Variants in NKAIN3 observed in about 807,000 individuals in gnomAD.
NKAIN3 encodes sodium/potassium-transporting ATPase subunit beta-1-interacting protein 3.
NKAIN3 carries 25 observed loss-of-function variants against 30.2 expected under a neutral mutation model. The observed-to-expected ratio is 0.83, with a 90% CI of 0.60 to 1.16. The LOEUF (loss-of-function observed/expected upper bound fraction) is 1.16, where lower values mean the gene tolerates loss of function less well. Among genes scored for constraint, NKAIN3 ranks in the 50% most tolerant of loss-of-function variants. NKAIN3 has a pLI of 0.00. For missense variants in NKAIN3, 225 were observed against 254.1 expected (o/e 0.89, Z 0.78); for synonymous variants, 91 against 89.6 (o/e 1.02, Z -0.09).
chr8:62,489,099 C>A (rs902002610), intron 1 of NKAIN3, among the ~76,000 whole-genome samples: 68 of 152,250 alleles, frequency 4.5e-4, no homozygotes, highest in African/African-American at 1.6e-3. Flanking sequence ...TCACTGCAAG[C>A]CCTGCCTCCT....
intron 3 of NKAIN3, among the ~76,000 whole-genome samples, chr8:62,684,069 A>G (rs1813724536): frequency 6.6e-6 from 1 of 152,200 alleles, no homozygotes; most frequent in Non-Finnish European, 1.5e-5. Context: ...ACTGCAGCCA[A>G]CAATCTCATC....
intron 1 of NKAIN3, among the ~76,000 whole-genome samples, chr8:62,428,118 T>C (rs914030123): frequency 1.1e-4 from 16 of 152,010 alleles, no homozygotes; most frequent in African/African-American, 1.9e-4. Context: ...GGCTGGCTTA[T>C]TTCATTAAAA....
rs187546773 is a variant in NKAIN3, at chr8:62,981,975, T to C, written c.*16568T>C. On this transcript the variant is annotated 3_prime_UTR_variant, in exon 7 of 7. Transcript: ENST00000623646. ...CACATAACAGATTAGAAACAGAGAA[T>C]GAGAAAGGTATAGTAGATATTATGT... The C allele has an allele frequency of 6.6e-6, 1 of 152,240 alleles. No individual in the cohort carries two copies. The highest frequency in any genetic ancestry group is 1.5e-5 in the Non-Finnish European group (1 of 68,000). 9.4% of individuals were successfully genotyped at this position (152,240 alleles called of 1,614,324 possible).
intron 1 of NKAIN3, among the ~76,000 whole-genome samples, chr8:62,537,675 C>G (rs1477860893): frequency 6.6e-6 from 1 of 151,990 alleles, no homozygotes; most frequent in African/African-American, 2.4e-5. Flanking sequence ...CAACAACTCT[C>G]AATTAGCAAT....
chr8:62,384,694 A>T (rs2129594169), intron 1 of NKAIN3, among the ~76,000 whole-genome samples: 1 of 152,242 alleles, frequency 6.6e-6, no homozygotes, highest in African/African-American at 2.4e-5. Context: ...ACTTTTCTTG[A>T]TTCTAAGAAT....
chr8:62,263,204 A>G (rs920517913), intron 1 of NKAIN3, among the ~76,000 whole-genome samples: 6 of 152,174 alleles, frequency 3.9e-5, no homozygotes, highest in African/African-American at 1.2e-4. Flanking sequence ...TTTAGTTATC[A>G]TAAAATTTAA....
At chr8:62,919,166 G>A (rs551832498) in intron 5 of NKAIN3, among the ~76,000 whole-genome samples, 23 of 134,488 alleles carry the variant, frequency 1.7e-4, no homozygotes, top group Middle Eastern at 4.8e-3. Context: ...ACCTGCTGAT[G>A]TATAAGACAC....
chr8:62,795,680 A>C (rs968010182), intron 4 of NKAIN3, among the ~76,000 whole-genome samples: 1 of 152,216 alleles, frequency 6.6e-6, no homozygotes, highest in Non-Finnish European at 1.5e-5. Context: ...ATTAGATAAC[A>C]TAGGTAGTAT....
At chr8:62,927,486 AT>A (rs1244643688) in intron 5 of NKAIN3, among the ~76,000 whole-genome samples, 1 of 152,222 alleles carries the variant, frequency 6.6e-6, no homozygotes, top group Non-Finnish European at 1.5e-5. Flanking sequence ...AATATTTTGA[AT>A]GTTTCTACCG....
rs1382673970 is a variant in NKAIN3, at chr8:62,853,046, C to T, written c.472-65407C>T. On this transcript the variant is annotated intron_variant, in intron 4 of 6. Transcript: ENST00000623646. ...GTCTTGTTGACCTGTCTAATGTTGA[C>T]AGTGGGGTAACAAAGTCTCCCATTA... Among the ~76,000 whole-genome samples the T allele has an allele frequency of 5.3e-5, 8 of 152,240 alleles. No individual in the cohort carries two copies. The East Asian group carries it at 1.4e-3, about 26-fold the overall frequency.
At chr8:62,655,095 A>C (rs1251367685) in intron 3 of NKAIN3, among the ~76,000 whole-genome samples, 1 of 152,162 alleles carries the variant, frequency 6.6e-6, no homozygotes, top group African/African-American at 2.4e-5. Flanking sequence ...AGTCTGTATA[A>C]GGGGTAAACA....
intron 4 of NKAIN3, among the ~76,000 whole-genome samples, chr8:62,774,062 T>G (rs1817104569): frequency 6.6e-6 from 1 of 152,220 alleles, no homozygotes; most frequent in South Asian, 2.1e-4. Context: ...TTTCCATTTT[T>G]CTGTGTCTTA....
At chr8:62,810,120 C>G (rs1415866771) in intron 4 of NKAIN3, among the ~76,000 whole-genome samples, 3 of 152,128 alleles carry the variant, frequency 2.0e-5, no homozygotes, top group Non-Finnish European at 4.4e-5. Context: ...AGGAACTCAG[C>G]TGCTTGCTTG....
intron 1 of NKAIN3, among the ~76,000 whole-genome samples, chr8:62,272,259 C>T (rs1175207485): frequency 1.3e-5 from 2 of 152,156 alleles, no homozygotes; most frequent in Non-Finnish European, 2.9e-5. Flanking sequence ...TTCTACTCGC[C>T]TAGGACATTT....
chr8:62,670,758 A>G (rs1205410566), intron 3 of NKAIN3, among the ~76,000 whole-genome samples: 1 of 152,118 alleles, frequency 6.6e-6, no homozygotes, highest in Non-Finnish European at 1.5e-5. Context: ...AAAATAGGTA[A>G]GTAAAGCCTT....
chr8:62,618,321 G>A (rs936613), intron 3 of NKAIN3, among the ~76,000 whole-genome samples: 69,139 of 151,884 alleles, frequency 0.46, 17,918 homozygotes, highest in African/African-American at 0.7. Context: ...GATGTTTTCC[G>A]GGATGTGATT....
chr8:62,500,964 A>T (rs1462269928), intron 1 of NKAIN3, among the ~76,000 whole-genome samples: 11 of 152,198 alleles, frequency 7.2e-5, no homozygotes, highest in Non-Finnish European at 1.3e-4. Context: ...GTTCTTGCCA[A>T]CATTTCAGTT....
intron 4 of NKAIN3, among the ~76,000 whole-genome samples, chr8:62,806,931 G>C (rs1347764542): frequency 5.3e-5 from 8 of 152,022 alleles, no homozygotes; most frequent in Non-Finnish European, 8.8e-5. Context: ...GTCCTCTGCA[G>C]GGCACAGAGG....
At chr8:62,335,019 A>C (rs1458585189) in intron 1 of NKAIN3, among the ~76,000 whole-genome samples, 2 of 152,102 alleles carry the variant, frequency 1.3e-5, no homozygotes, top group East Asian at 3.9e-4. Context: ...TAGCTTCCAT[A>C]ATACTGTTTG....
Sources: gnomAD v4.1 joint callset for allele counts (sites outside exome capture counted in the v4.1 genomes callset) on GRCh38, gnomAD v4.1.1 for gene constraint, MANE v1.5 for transcripts, NCBI Gene and HGNC (gene_info 2026-07-23, HGNC 2026-07-21) for gene names.